The following FOXP2 variants were observed in gnomAD, a reference collection of about 807,000 sequenced individuals.
The protein encoded by FOXP2 is forkhead box protein P2.
Under a neutral mutation model 115.8 loss-of-function variants are expected in FOXP2, and 12 were observed. That is an observed-to-expected ratio of 0.10 (90% confidence interval 0.07 to 0.17). The LOEUF is 0.17. Among genes scored for constraint, FOXP2 ranks in the 10% least tolerant of loss-of-function variants. FOXP2 has a pLI of 1.00. For synonymous variants in FOXP2, 328 were observed against 297.7 expected, an observed-to-expected ratio of 1.10 and a Z score of -1.05; for missense variants, 629 against 843.5, an observed-to-expected ratio of 0.75 and a Z score of 3.15.
intron 1 of FOXP2, among the ~76,000 whole-genome samples, chr7:114,249,500 T>A (rs548580612): frequency 3.8e-4 from 58 of 152,254 alleles, no homozygotes; most frequent in African/African-American, 1.4e-3. Context: ...TTGGTGAGGA[T>A]AATGGCTTCC....
chr7:114,414,899 C>T lies in FOXP2; in HGVS notation c.-472C>T. The stretch of plus-strand genomic sequence containing the variant: ...TCTCTGTCTTTCTCTCTCTCACACA[C>T]ACACTCACACACTCACACACATGCA... On this transcript the variant is annotated 5_prime_UTR_variant, in exon 1 of 17. Transcript: ENST00000350908. 2.8e-6 allele frequency: 1 copy of T among 356,164 alleles called. No individual in the cohort carries two copies. The highest frequency in any genetic ancestry group is 5.6e-6 in the Non-Finnish European group (1 of 179,556). 22.1% of individuals were successfully genotyped at this position (356,164 alleles called of 1,614,324 possible).
chr7:114,436,127 A>G (rs1028815983), intron 2 of FOXP2, among the ~76,000 whole-genome samples: 5 of 152,116 alleles, frequency 3.3e-5, no homozygotes, highest in Non-Finnish European at 7.4e-5. Flanking sequence ...ATTATTGGCT[A>G]TGTAGTCTTG....
chr7:114,237,947 C>A (rs1795055035), intron 1 of FOXP2, among the ~76,000 whole-genome samples: 1 of 152,138 alleles, frequency 6.6e-6, no homozygotes, highest in African/African-American at 2.4e-5. Flanking sequence ...TGCACTTCAG[C>A]CTGGGCAGCG....
At position 114,582,639 on chromosome 7, in the gene FOXP2, A is replaced by G. The variant is rs990195722; in HGVS notation, c.259-45901A>G. ...TGATGGATTAGCATAAATCTAAAGA[A>G]CATAAATTATTTTATGAAACATTTA... On this transcript the variant is annotated intron_variant, in intron 3 of 16. Coordinates refer to ENST00000350908, the MANE Select transcript of FOXP2 (RefSeq NM_014491.4). Among the ~76,000 whole-genome samples, 18 of 152,340 alleles carry G rather than the reference A, an allele frequency of 1.2e-4. 1 individual carries two copies. The highest frequency in any genetic ancestry group is 1.1e-3 in the Admixed American group (17 of 15,300).
At chr7:114,560,083 T>G (rs1480187060) in intron 3 of FOXP2, among the ~76,000 whole-genome samples, 1 of 152,142 alleles carries the variant, frequency 6.6e-6, no homozygotes, top group Non-Finnish European at 1.5e-5. Flanking sequence ...AGAAAAGTGT[T>G]ATTTTAAATT....
intron 3 of FOXP2, among the ~76,000 whole-genome samples, chr7:114,612,957 A>G (rs564565662): frequency 6.6e-6 from 1 of 152,312 alleles, no homozygotes; most frequent in African/African-American, 2.4e-5. Flanking sequence ...AGACATTACC[A>G]TGGCACTAGG....
Position 114,211,934 on chromosome 7 carries a change from G to A in FOXP2, c.-102+48846G>A, listed in dbSNP as rs559168322. ...CTAAAAATACAAAAATTAGCTGGAC[G>A]TAGTGGTGGGTGTCTGTAATCCCAG... On this transcript the variant is annotated intron_variant, in intron 1 of 17. Transcript: ENST00000634411. Among the ~76,000 whole-genome samples, 6 of 152,082 alleles carry A rather than the reference G, an allele frequency of 3.9e-5. No individual in the cohort carries two copies. In the South Asian group the frequency reaches 1.0e-3, roughly 26 times the overall value.
At chr7:114,614,490 T>C (rs2045296) in intron 3 of FOXP2, among the ~76,000 whole-genome samples, 19,827 of 152,206 alleles carry the variant, frequency 0.13, 1,569 homozygotes, top group African/African-American at 0.22. Flanking sequence ...GTTTGTACTA[T>C]GAAGATTTTT....
chr7:114,375,286 T>C (rs1236001103), intron 2 of FOXP2, among the ~76,000 whole-genome samples: 1 of 152,204 alleles, frequency 6.6e-6, no homozygotes, highest in Non-Finnish European at 1.5e-5. Context: ...CTCTTCCTCT[T>C]CTTTCCCTCC....
chr7:114,536,416 T>TTTG (rs1261052001), intron 3 of FOXP2, among the ~76,000 whole-genome samples: 4 of 128,898 alleles, frequency 3.1e-5, no homozygotes, highest in Non-Finnish European at 5.1e-5. Context: ...TTTTTTTTTT[T>TTTG]TTGTTGTTGT....
At chr7:114,235,236 T>G (rs1238765294) in intron 1 of FOXP2, among the ~76,000 whole-genome samples, 2 of 152,228 alleles carry the variant, frequency 1.3e-5, no homozygotes, top group Admixed American at 6.5e-5. Context: ...AGTTTACACA[T>G]TATTCTTATG....
At chr7:114,115,261 A>G (rs1198203477) in intron 1 of FOXP2, among the ~76,000 whole-genome samples, 1 of 152,120 alleles carries the variant, frequency 6.6e-6, no homozygotes. Flanking sequence ...TAGGTGCTTA[A>G]TGCATATTTG....
intron 1 of FOXP2, among the ~76,000 whole-genome samples, chr7:114,226,817 A>C (rs989063378): frequency 1.3e-5 from 2 of 152,040 alleles, no homozygotes; most frequent in Admixed American, 1.3e-4. Flanking sequence ...GAACAGCATC[A>C]CTGGTATATA....
At position 114,534,683 on chromosome 7, in the gene FOXP2, A is replaced by G. The variant is rs1799292725; in HGVS notation, c.235A>G (p.Ser79Gly). 3 of 1,611,804 alleles carry G rather than the reference A, an allele frequency of 1.9e-6. No individual in the cohort carries two copies. The highest frequency in any genetic ancestry group is 1.3e-5 in the African/African-American group (1 of 74,790). Reference sequence around the variant, plus strand: ...AAGTGGATTGAAATCTCCTAAGAGCAGTGATAAACAGAGACCACTGCAGGT... The same window carrying G: ...AAGTGGATTGAAATCTCCTAAGAGCGGTGATAAACAGAGACCACTGCAGGT... ...QTSGLKSPKS[S>G]DKQRPLQVPV... Residue 79 changes from serine (S) to glycine (G), a missense_variant, in exon 3 of 17, where the codon AGT becomes GGT. Around this residue, in one of 9 missense-constraint regions of FOXP2, gnomAD observed 91 missense variants for 98.3 expected, o/e 0.93. Coordinates refer to ENST00000350908, the MANE Select transcript of FOXP2 (RefSeq NM_014491.4).
rs569763019 is a variant in FOXP2, at chr7:114,354,005, G to A, written c.-11+65896G>A. Among the ~76,000 whole-genome samples the A allele has an allele frequency of 3.3e-5, 5 of 152,258 alleles. No homozygotes were observed. The East Asian group carries it at 9.7e-4, about 29-fold the overall frequency. Reference sequence around the variant, plus strand: ...TATTTTGAGGTGTGTCTGCAAGGGTGTTTCTGGAGAAGGTTAGCTTTTGAA... The same window carrying A: ...TATTTTGAGGTGTGTCTGCAAGGGTATTTCTGGAGAAGGTTAGCTTTTGAA... On this transcript the variant is annotated intron_variant, in intron 2 of 17. Coordinates refer to the FOXP2 transcript ENST00000634411.
chr7:114,254,881 A>G (rs1204342256), intron 1 of FOXP2, among the ~76,000 whole-genome samples: 2 of 151,928 alleles, frequency 1.3e-5, no homozygotes, highest in Admixed American at 1.3e-4. Context: ...CATTTTTAGA[A>G]TTTTCAGCTT....
intron 2 of FOXP2, among the ~76,000 whole-genome samples, chr7:114,526,776 T>C (rs185935095): frequency 3.3e-4 from 50 of 152,262 alleles, no homozygotes; most frequent in African/African-American, 1.1e-3. Flanking sequence ...AATTTTTTAA[T>C]ATATAACAAC....
chr7:114,597,666 C>A (rs1802800568), intron 3 of FOXP2, among the ~76,000 whole-genome samples: 2 of 152,106 alleles, frequency 1.3e-5, no homozygotes, highest in Non-Finnish European at 2.9e-5. Context: ...CATAACCCAA[C>A]CTACATCCAT....
chr7:114,424,109 G>A (rs1793735664), intron 1 of FOXP2, among the ~76,000 whole-genome samples: 1 of 151,382 alleles, frequency 6.6e-6, no homozygotes, highest in African/African-American at 2.4e-5. Context: ...TTAGTTAAAA[G>A]GAATTATAAG....
Sources: allele counts gnomAD v4.1 joint callset (sites outside exome capture counted in the v4.1 genomes callset), GRCh38; gene constraint gnomAD v4.1.1; regional missense constraint gnomAD v4.1.1; transcripts MANE v1.5; gene names NCBI Gene and HGNC (gene_info 2026-07-23, HGNC 2026-07-21).